CRYBG3: variants seen among roughly 807,000 people sequenced by gnomAD.
CRYBG3 encodes the protein crystallin beta-gamma domain containing 3.
Under a neutral mutation model 244.2 loss-of-function variants are expected in CRYBG3, and 127 were observed. The observed-to-expected ratio is 0.52, with a 90% CI of 0.45 to 0.60. CRYBG3 has a LOEUF of 0.60. CRYBG3 is among the 20% of genes least tolerant of loss of function. The pLI, the probability that CRYBG3 is intolerant of heterozygous loss-of-function variation, is 0.00. For synonymous variants in CRYBG3, 1,132 were observed against 1,195.8 expected (o/e 0.95, Z 1.10); for missense variants, 3,325 against 3,442.5 (o/e 0.97, Z 0.85).
At chr3:97,905,338 G>A (rs961034855) in intron 15 of CRYBG3, among the ~76,000 whole-genome samples, 1 of 151,688 alleles carries the variant, frequency 6.6e-6, no homozygotes, top group African/African-American at 2.4e-5. Context: ...CACAATGGTT[G>A]AACTAGTTTA....
At chr3:97,869,393 C>T (rs906427870) in intron 3 of CRYBG3, among the ~76,000 whole-genome samples, 2 of 151,918 alleles carry the variant, frequency 1.3e-5, no homozygotes, top group African/African-American at 4.8e-5. Context: ...CATTTTTTTC[C>T]ATATTGCATG....
chr3:97,882,916 G>C (rs191824241), intron 7 of CRYBG3, among the ~76,000 whole-genome samples: 1 of 152,150 alleles, frequency 6.6e-6, no homozygotes, highest in Non-Finnish European at 1.5e-5. Flanking sequence ...CAATACTGTG[G>C]TGTGCACAGG....
intron 2 of CRYBG3, among the ~76,000 whole-genome samples, chr3:97,843,477 T>C (rs531448499): frequency 6.6e-6 from 1 of 152,132 alleles, no homozygotes; most frequent in East Asian, 1.9e-4. Context: ...GTATACAGAG[T>C]GGTGTTCTTG....
chr3:97,883,860 C>T (rs556445398), intron 7 of CRYBG3, among the ~76,000 whole-genome samples: 4 of 152,276 alleles, frequency 2.6e-5, no homozygotes, highest in South Asian at 2.1e-4. Flanking sequence ...GTTTCCATGA[C>T]GGATTCACTT....
At chr3:97,856,596 C>A (rs1370921577) in intron 2 of CRYBG3, among the ~76,000 whole-genome samples, 1 of 152,174 alleles carries the variant, frequency 6.6e-6, no homozygotes, top group East Asian at 1.9e-4. Context: ...TCACAATCCA[C>A]GTTCTTCTGC....
Position 97,822,355 on chromosome 3 carries a change from G to A in CRYBG3, c.149G>A (p.Ser50Asn). The A allele has an allele frequency of 1.3e-6, 2 of 1,499,692 alleles. No homozygotes were observed. Among genetic ancestry groups the A allele is most frequent in the East Asian group, 2.6e-5 (1 of 37,886 alleles). The allele number at this position is 1,499,692 out of a possible 1,614,324, so 92.9% of individuals were successfully genotyped here. The change falls in exon 1 of 22, where the codon AGT (serine) becomes AAT (asparagine). Residue 50 changes from serine to asparagine, a missense_variant and splice_region_variant. By Grantham distance (46) the Ser-to-Asn change is conservative. Transcript: ENST00000389622. ...CCAGCTCCAGGCCGGTCCGCTGCCA[G>A]GTGGGAGTCGAGGAGGGGGTCGCGG... ...PPPAPGRSAA[S>N]VENEPMSTSQ...
intron 1 of CRYBG3, among the ~76,000 whole-genome samples, chr3:97,831,281 G>A (rs2038650277): frequency 6.6e-6 from 1 of 152,198 alleles, no homozygotes; most frequent in Non-Finnish European, 1.5e-5. Context: ...AGTCTGTTGA[G>A]ATGTTATGAC....
At chr3:97,827,529 G>A (rs1342560069) in intron 1 of CRYBG3, among the ~76,000 whole-genome samples, 2 of 152,180 alleles carry the variant, frequency 1.3e-5, no homozygotes, top group Non-Finnish European at 2.9e-5. Flanking sequence ...TTAATTGGAA[G>A]TATGCTAAAG....
At chr3:97,823,172 C>T (rs1489044716) in intron 1 of CRYBG3, among the ~76,000 whole-genome samples, 1 of 152,118 alleles carries the variant, frequency 6.6e-6, no homozygotes, top group African/African-American at 2.4e-5. Context: ...ATGCCTGTTT[C>T]TGAGTCTTTT....
chr3:97,890,449 C>G (rs1026910192), intron 10 of CRYBG3, among the ~76,000 whole-genome samples: 1 of 152,130 alleles, frequency 6.6e-6, no homozygotes, highest in Non-Finnish European at 1.5e-5. Flanking sequence ...TGCAGTTTGA[C>G]AGGTTGTAGG....
intron 12 of CRYBG3, among the ~76,000 whole-genome samples, chr3:97,897,765 T>C (rs1385899813): frequency 6.6e-6 from 1 of 152,210 alleles, no homozygotes; most frequent in South Asian, 2.1e-4. Flanking sequence ...TTAGTTCCCT[T>C]AGGAGACTTT....
At chr3:97,852,844 T>C (rs1479430652) in intron 2 of CRYBG3, among the ~76,000 whole-genome samples, 1 of 152,178 alleles carries the variant, frequency 6.6e-6, no homozygotes, top group Non-Finnish European at 1.5e-5. Flanking sequence ...CATTTGTTAC[T>C]TTTTGTCTTT....
chr3:97,840,735 T>C lies in CRYBG3; in HGVS notation c.150-2460T>C, dbSNP rs371547358. The C allele has an allele frequency of 2.6e-5, 4 of 152,254 alleles. No individual in the cohort carries two copies. In the East Asian group the frequency reaches 7.7e-4, roughly 29 times the overall value. 9.4% of individuals were successfully genotyped at this position (152,254 alleles called of 1,614,324 possible). ...CAAATAAAGCAGAATTTCAGCAATC[T>C]TGAAGCATGAACTAGGAGACTAAAA... On this transcript the variant is annotated intron_variant, in intron 1 of 21. Transcript: ENST00000389622.
chr3:97,871,746 T>G (rs757690938), intron 3 of CRYBG3, 96 bp from the exon 4 acceptor site: 1 of 785,850 alleles, frequency 1.3e-6, no homozygotes, highest in African/African-American at 1.8e-5. Context: ...TTAAGGGAAG[T>G]GGTGTTTAAA....
chr3:97,877,922 C>G lies in CRYBG3; in HGVS notation c.6728C>G (p.Thr2243Ser). The change falls in exon 4 of 22, where the codon ACT becomes AGT. Residue 2243 changes from threonine (T) to serine (S), a missense_variant. Thr to Ser is a moderately conservative substitution (Grantham distance 58). This residue lies in a region of CRYBG3 where 450 missense variants were observed against 424.1 expected (regional missense o/e 1.06). Coordinates refer to ENST00000389622, the MANE Select transcript of CRYBG3 (RefSeq NM_153605.4). ...LKSAYHQYLQ[T>S]SQSHSSEKGA... is the part of the protein sequence containing the mutation. ...AGTGCTTATCATCAGTATCTGCAGA[C>G]TTCCCAAAGTCATTCCTCAGAAAAA... 6.2e-7 allele frequency: 1 copy of G among 1,614,108 alleles called. No individual in the cohort carries two copies. Among genetic ancestry groups the G allele is most frequent in the African/African-American group, 1.3e-5 (1 of 75,034 alleles).
chr3:97,916,606 GA>G (rs1448639275), intron 17 of CRYBG3, among the ~76,000 whole-genome samples: 1 of 152,132 alleles, frequency 6.6e-6, no homozygotes, highest in Non-Finnish European at 1.5e-5. Context: ...GAGCTGATTA[GA>G]AACTCTACAT....
chr3:97,854,842 A>G (rs910097599), intron 2 of CRYBG3, among the ~76,000 whole-genome samples: 1 of 151,938 alleles, frequency 6.6e-6, no homozygotes, highest in African/African-American at 2.4e-5. Context: ...TGGACCCTAA[A>G]TTTCTTTCTC....
chr3:97,928,378 G>A (rs1021197029), intron 17 of CRYBG3, among the ~76,000 whole-genome samples: 19 of 152,030 alleles, frequency 1.2e-4, no homozygotes, highest in Middle Eastern at 3.4e-3. Flanking sequence ...CACTATGAAG[G>A]GAACAATAAA....
chr3:97,888,273 CT>C, intron 8 of CRYBG3, 67 bp from the exon 9 acceptor site: 1 of 948,264 alleles, frequency 1.1e-6, no homozygotes, highest in Non-Finnish European at 1.6e-6. Context: ...TTTGGTAGCC[CT>C]TTTTACTTAC....
Sources: gnomAD v4.1 joint callset for allele counts (sites outside exome capture counted in the v4.1 genomes callset) on GRCh38, gnomAD v4.1.1 for gene constraint, gnomAD v4.1.1 regional missense constraint, MANE v1.5 for transcripts, NCBI Gene and HGNC (gene_info 2026-07-23, HGNC 2026-07-21) for gene names.